PIGL: variants seen among roughly 807,000 people sequenced by gnomAD.
PIGL encodes N-acetylglucosaminyl-phosphatidylinositol de-N-acetylase.
PIGL carries 22 observed loss-of-function variants against 31.1 expected under a neutral mutation model. The observed-to-expected ratio is 0.71, with a 90% CI of 0.51 to 1.01. The LOEUF (loss-of-function observed/expected upper bound fraction) is 1.01. PIGL is among the 50% of genes least tolerant of loss of function. The pLI is 0.00. For synonymous variants in PIGL, 131 were observed against 117.4 expected (o/e 1.12, Z -0.75); for missense variants, 302 against 315.9 (o/e 0.96, Z 0.33).
chr17:16,266,896 T>A (rs1046807099), intron 2 of PIGL, among the ~76,000 whole-genome samples: 12 of 43,552 alleles, frequency 2.8e-4, no homozygotes, highest in African/African-American at 1.3e-3. Context: ...CACGCCTTGC[T>A]CTTTTTTTTT....
chr17:16,273,173 A>G (rs2092879515), intron 2 of PIGL, among the ~76,000 whole-genome samples: 1 of 152,222 alleles, frequency 6.6e-6, no homozygotes, highest in African/African-American at 2.4e-5. Context: ...AAACCAACTA[A>G]TGATGTGAGG....
chr17:16,247,759 C>T (rs1236514638), intron 2 of PIGL, among the ~76,000 whole-genome samples: 1 of 152,164 alleles, frequency 6.6e-6, no homozygotes, highest in African/African-American at 2.4e-5. Context: ...TTTCGTCCCA[C>T]CCGATTTTTT....
intron 2 of PIGL, among the ~76,000 whole-genome samples, chr17:16,257,394 G>A (rs2092798544): frequency 6.6e-6 from 1 of 150,784 alleles, no homozygotes; most frequent in African/African-American, 2.5e-5. Context: ...TCCAGCTTGG[G>A]CGACAAGAGT....
chr17:16,274,221 G>T (rs1050685668), intron 2 of PIGL, among the ~76,000 whole-genome samples: 1 of 152,180 alleles, frequency 6.6e-6, no homozygotes, highest in Non-Finnish European at 1.5e-5. Flanking sequence ...AAGGCCAGAT[G>T]TAGGAGATAA....
intron 2 of PIGL, among the ~76,000 whole-genome samples, chr17:16,243,593 T>G (rs1325486851): frequency 6.6e-6 from 1 of 152,244 alleles, no homozygotes; most frequent in Non-Finnish European, 1.5e-5. Flanking sequence ...TTAAAGTTTT[T>G]AATTGCGTAA....
At chr17:16,233,835 A>G in intron 1 of PIGL, 136 bp from the exon 2 acceptor site, 1 of 571,490 alleles carries the variant, frequency 1.7e-6, no homozygotes, top group East Asian at 2.8e-5. Flanking sequence ...GTGTTTTCTT[A>G]AACTTTGTAT....
intron 4 of PIGL, among the ~76,000 whole-genome samples, chr17:16,315,886 C>T (rs963125311): frequency 3.3e-5 from 5 of 151,494 alleles, no homozygotes; most frequent in African/African-American, 9.7e-5. Flanking sequence ...TTATTAGAGA[C>T]GGAGTTTCAC....
intron 2 of PIGL, among the ~76,000 whole-genome samples, chr17:16,258,107 G>GAGAGAGAGAGAGAGAGAGAGAA (rs2092803671): frequency 3.1e-5 from 4 of 127,904 alleles, no homozygotes; most frequent in African/African-American, 1.1e-4. Context: ...GAGAGAAAGA[G>GAGAGAGAGAGAGAGAGAGAGAA]AGAGAGAGAG....
chr17:16,311,486 A>ATTTTTTTTTTTTTTTTTTTTTT (rs1568840853), intron 3 of PIGL, among the ~76,000 whole-genome samples: 1 of 10,340 alleles, frequency 9.7e-5, no homozygotes, highest in African/African-American at 4.4e-4. Flanking sequence ...TTTTTTGATC[A>ATTTTTTTTTTTTTTTTTTTTTT]TTCTTGGGTG....
chr17:16,301,228 A>T (rs1290909810), intron 3 of PIGL, among the ~76,000 whole-genome samples: 1 of 151,294 alleles, frequency 6.6e-6, no homozygotes, highest in Admixed American at 6.6e-5. Context: ...AAGTAGCTAG[A>T]ACTATAGGCA....
At chr17:16,263,061 GA>G (rs2142752767) in intron 2 of PIGL, among the ~76,000 whole-genome samples, 1 of 140,116 alleles carries the variant, frequency 7.1e-6, no homozygotes, top group Non-Finnish European at 1.5e-5. Flanking sequence ...TGGGAGGAGG[GA>G]AAAATGGGGT....
chr17:16,245,755 C>CAT (rs890809270), intron 2 of PIGL, among the ~76,000 whole-genome samples: 14 of 149,898 alleles, frequency 9.3e-5, no homozygotes, highest in African/African-American at 2.7e-4. Flanking sequence ...TATACACACA[C>CAT]ATATATATAT....
At position 16,325,415 on chromosome 17, in the gene PIGL, T is replaced by C. The variant is rs2093123536; in HGVS notation, c.661-385T>C. On this transcript the variant is annotated intron_variant, in intron 6 of 6. Coordinates refer to ENST00000225609, the MANE Select transcript of PIGL (RefSeq NM_004278.4). ...GGGTTAAAATCTCAGCCAGCTCTAC[T>C]ACCTACTAGCTGTTTGAGACTGACG... Among the ~76,000 whole-genome samples, 5 of 150,528 alleles carry C rather than the reference T, an allele frequency of 3.3e-5. No individual in the cohort carries two copies. The South Asian group carries it at 1.1e-3, about 32-fold the overall frequency.
At chr17:16,280,506 G>A (rs1296057385) in intron 2 of PIGL, among the ~76,000 whole-genome samples, 1 of 151,856 alleles carries the variant, frequency 6.6e-6, no homozygotes, top group Non-Finnish European at 1.5e-5. Context: ...TTATTTTTTA[G>A]AGCAGTTTTA....
At chr17:16,296,264 C>A (rs913703060) in intron 2 of PIGL, among the ~76,000 whole-genome samples, 4 of 152,120 alleles carry the variant, frequency 2.6e-5, no homozygotes, top group African/African-American at 9.7e-5. Context: ...ACTTTGAAAT[C>A]ATAAACCGCT....
intron 2 of PIGL, among the ~76,000 whole-genome samples, chr17:16,259,368 G>A (rs979548541): frequency 1.3e-4 from 19 of 149,566 alleles, no homozygotes; most frequent in African/African-American, 4.7e-4. Context: ...CATGGGGAAA[G>A]AATACTCTTT....
chr17:16,225,962 C>T (rs1026333009), intron 1 of PIGL, among the ~76,000 whole-genome samples: 9 of 150,696 alleles, frequency 6.0e-5, no homozygotes, highest in African/African-American at 2.0e-4. Flanking sequence ...AGGAGGATCA[C>T]TTAACCCAAG....
chr17:16,311,486 A>ATTTTTTTTTTTTTTT (rs1568840853), intron 3 of PIGL, among the ~76,000 whole-genome samples: 9 of 10,298 alleles, frequency 8.7e-4, no homozygotes, highest in Non-Finnish European at 1.4e-3. Flanking sequence ...TTTTTTGATC[A>ATTTTTTTTTTTTTTT]TTCTTGGGTG....
At chr17:16,305,920 G>T (rs2093024195) in intron 3 of PIGL, among the ~76,000 whole-genome samples, 1 of 151,996 alleles carries the variant, frequency 6.6e-6, no homozygotes, top group African/African-American at 2.4e-5. Context: ...AGTAGCTGGG[G>T]CTACAGGTGC....
Sources: allele counts gnomAD v4.1 joint callset (sites outside exome capture counted in the v4.1 genomes callset), GRCh38; gene constraint gnomAD v4.1.1; transcripts MANE v1.5; gene names NCBI Gene and HGNC (gene_info 2026-07-23, HGNC 2026-07-21).